The following MACROD2 variants were observed in gnomAD, a reference collection of about 807,000 sequenced individuals.
The protein encoded by MACROD2 is mono-ADP ribosylhydrolase 2.
Under a neutral mutation model 70.4 loss-of-function variants are expected in MACROD2, and 36 were observed. That is an observed-to-expected ratio of 0.51 (90% CI 0.39 to 0.68). The LOEUF is 0.68. Among genes scored for constraint, MACROD2 ranks in the 30% least tolerant of loss-of-function variants. The pLI is 0.00. For missense variants in MACROD2, 496 were observed against 538.4 expected (o/e 0.92, Z 0.78); for synonymous variants, 172 against 178.8 (o/e 0.96, Z 0.30).
chr20:14,168,664 C>T lies in MACROD2; in HGVS notation c.271+82936C>T, dbSNP rs200716824. On this transcript the variant is annotated intron_variant, in intron 3 of 17. Transcript: ENST00000684519. The stretch of plus-strand genomic sequence containing the variant: ...AATACATAATGTTATGTATCCACTA[C>T]AGTATTATACAGGATAGTTTCACTG... 4.6e-5 allele frequency among the ~76,000 whole-genome samples: 7 copies of T among 152,266 alleles called. No homozygotes were observed. The East Asian group carries it at 1.3e-3, about 29-fold the overall frequency.
At position 15,599,285 on chromosome 20, in the gene MACROD2, G is replaced by A. The variant is rs1376964646; in HGVS notation, c.645+99438G>A. 4.6e-5 allele frequency among the ~76,000 whole-genome samples: 7 copies of A among 151,990 alleles called. No homozygotes were observed. In the East Asian group the frequency reaches 9.6e-4, roughly 21 times the overall value. On this transcript the variant is annotated intron_variant, in intron 8 of 17. Transcript: ENST00000684519. ...AGCACGCCTGTAGTCCCAGCTACGC[G>A]GGAGGCTGAGGCAGGGGAATCGCTT...
chr20:14,110,970 T>C (rs187999598), intron 3 of MACROD2, among the ~76,000 whole-genome samples: 16 of 152,040 alleles, frequency 1.1e-4, no homozygotes, highest in African/African-American at 3.6e-4. Context: ...TTACCTGACT[T>C]AAATTATACT....
At chr20:15,263,179 A>C (rs142150465) in intron 6 of MACROD2, among the ~76,000 whole-genome samples, 3,409 of 152,164 alleles carry the variant, frequency 0.022, 141 homozygotes, top group African/African-American at 0.077. Context: ...TTGAGGTCTC[A>C]GATTTAAGTC....
At chr20:14,873,097 C>G (rs917293829) in intron 5 of MACROD2, among the ~76,000 whole-genome samples, 4 of 152,094 alleles carry the variant, frequency 2.6e-5, no homozygotes, top group African/African-American at 7.2e-5. Context: ...GGTGGGAACA[C>G]AAAGCCTGAC....
At chr20:15,818,813 CCA>C (rs1377627436) in intron 8 of MACROD2, among the ~76,000 whole-genome samples, 1 of 152,112 alleles carries the variant, frequency 6.6e-6, no homozygotes, top group Non-Finnish European at 1.5e-5. Flanking sequence ...ACAGCACTGA[CCA>C]CGCTCTAATG....
In MACROD2 at chr20:14,167,058, CACATGTACTCTTTA is replaced by C. The variant is rs1353962924; in HGVS notation, c.271+81337_271+81350del. On this transcript the variant is annotated intron_variant, in intron 3 of 17. Coordinates refer to ENST00000684519, the MANE Select transcript of MACROD2 (RefSeq NM_001351661.2). ...TCTGAAATCTACCTCAGCAGGTCAGCACATGTACTCTTTAACATGTCTTGATTTTCTGTTTTTTT... is the reference window on the plus strand; with the variant it reads ...TCTGAAATCTACCTCAGCAGGTCAGCACATGTCTTGATTTTCTGTTTTTTT... Among the ~76,000 whole-genome samples, 3 of 152,158 alleles carry C rather than the reference CACATGTACTCTTTA, an allele frequency of 2.0e-5. No individual in the cohort carries two copies. The East Asian group carries it at 5.8e-4, about 29-fold the overall frequency.
At chr20:14,441,380 T>C (rs923136207) in intron 3 of MACROD2, among the ~76,000 whole-genome samples, 3 of 152,172 alleles carry the variant, frequency 2.0e-5, no homozygotes, top group African/African-American at 4.8e-5. Context: ...TGCCTAGTCA[T>C]AGAGTTGCTG....
intron 6 of MACROD2, among the ~76,000 whole-genome samples, chr20:15,240,675 A>G (rs2077053161): frequency 6.6e-6 from 1 of 152,312 alleles, no homozygotes; most frequent in East Asian, 1.9e-4. Context: ...TGTCCCATCA[A>G]AATTCATACA....
At chr20:15,005,215 T>C (rs113167877) in intron 5 of MACROD2, among the ~76,000 whole-genome samples, 3,255 of 152,340 alleles carry the variant, frequency 0.021, 69 homozygotes, top group Admixed American at 0.048. Flanking sequence ...ACAGGTATTA[T>C]TGACAGAATA....
chr20:14,114,240 T>G (rs73273434), intron 3 of MACROD2, among the ~76,000 whole-genome samples: 1 of 152,120 alleles, frequency 6.6e-6, no homozygotes, highest in Non-Finnish European at 1.5e-5. Flanking sequence ...ACATTCTGAC[T>G]CTGTTTGGAA....
At chr20:14,037,458 A>G (rs1442964376) in intron 2 of MACROD2, among the ~76,000 whole-genome samples, 1 of 152,262 alleles carries the variant, frequency 6.6e-6, no homozygotes, top group Non-Finnish European at 1.5e-5. Context: ...ATGCAGTTAT[A>G]AACAGATACC....
At chr20:14,862,628 T>A (rs1221455364) in intron 5 of MACROD2, among the ~76,000 whole-genome samples, 2 of 12,994 alleles carry the variant, frequency 1.5e-4, no homozygotes, top group Non-Finnish European at 3.1e-4. Flanking sequence ...TATATATATA[T>A]AAATATATAT....
At chr20:15,030,893 T>C (rs897449044) in intron 5 of MACROD2, among the ~76,000 whole-genome samples, 2 of 152,176 alleles carry the variant, frequency 1.3e-5, no homozygotes, top group African/African-American at 4.8e-5. Context: ...GCCGGAAACC[T>C]CTGAGGCTGG....
At chr20:14,350,948 G>A (rs1040483850) in intron 3 of MACROD2, among the ~76,000 whole-genome samples, 1 of 152,180 alleles carries the variant, frequency 6.6e-6, no homozygotes, top group Non-Finnish European at 1.5e-5. Context: ...TAGGGATCAA[G>A]TTTAATTCTT....
chr20:14,852,195 C>A (rs971880958), intron 5 of MACROD2, among the ~76,000 whole-genome samples: 1 of 151,772 alleles, frequency 6.6e-6, no homozygotes, highest in African/African-American at 2.4e-5. Flanking sequence ...GCAGTCTGGC[C>A]GATGTGAGAT....
At chr20:14,804,872 T>C (rs1449288614) in intron 5 of MACROD2, among the ~76,000 whole-genome samples, 1 of 150,658 alleles carries the variant, frequency 6.6e-6, no homozygotes, top group Non-Finnish European at 1.5e-5. Flanking sequence ...TGTGTGTGTG[T>C]GCTTTTGTGT....
intron 3 of MACROD2, among the ~76,000 whole-genome samples, chr20:14,329,523 AT>A (rs2122597316): frequency 6.6e-6 from 1 of 152,186 alleles, no homozygotes; most frequent in East Asian, 1.9e-4. Context: ...CAAAGTTGAG[AT>A]TGTCATCAAA....
At chr20:14,411,229 A>T (rs915575895) in intron 3 of MACROD2, among the ~76,000 whole-genome samples, 1 of 152,152 alleles carries the variant, frequency 6.6e-6, no homozygotes, top group Non-Finnish European at 1.5e-5. Context: ...ATTCTGGGAT[A>T]GATTTTTTTT....
At chr20:15,102,527 A>G (rs1439068799) in intron 5 of MACROD2, among the ~76,000 whole-genome samples, 1 of 152,020 alleles carries the variant, frequency 6.6e-6, no homozygotes, top group East Asian at 1.9e-4. Flanking sequence ...CATGAAATCA[A>G]TTTTTAATTG....
Sources: allele counts gnomAD v4.1 joint callset (sites outside exome capture counted in the v4.1 genomes callset), GRCh38; gene constraint gnomAD v4.1.1; transcripts MANE v1.5; gene names NCBI Gene and HGNC (gene_info 2026-07-23, HGNC 2026-07-21).